The following SUCLG2 variants were observed in gnomAD, a reference collection of about 807,000 sequenced individuals.
SUCLG2 encodes the protein succinate-CoA ligase GDP-forming subunit beta.
A neutral mutation model predicts 47.9 loss-of-function variants in SUCLG2; 42 were observed. The observed-to-expected ratio is 0.88, with a 90% CI of 0.69 to 1.14. The LOEUF (loss-of-function observed/expected upper bound fraction) is 1.14. Among genes scored for constraint, SUCLG2 ranks in the 50% most tolerant of loss-of-function variants. SUCLG2 has a pLI of 0.00. For missense variants in SUCLG2, 571 were observed against 525.9 expected (o/e 1.09, Z -0.84); for synonymous variants, 195 against 197.3 (o/e 0.99, Z 0.10).
intron 7 of SUCLG2, among the ~76,000 whole-genome samples, chr3:67,505,015 T>C (rs1559550898): frequency 6.6e-6 from 1 of 152,230 alleles, no homozygotes; most frequent in Non-Finnish European, 1.5e-5. Flanking sequence ...ATCTTTCTGG[T>C]AGGCATGTTT....
intron 1 of SUCLG2, among the ~76,000 whole-genome samples, chr3:67,628,793 T>G (rs1018017434): frequency 6.6e-6 from 1 of 152,216 alleles, no homozygotes; most frequent in Admixed American, 6.5e-5. Context: ...GTGAGTCCAC[T>G]AAACCTCTTT....
At chr3:67,401,652 A>G (rs1250597729) in intron 9 of SUCLG2, among the ~76,000 whole-genome samples, 1 of 152,060 alleles carries the variant, frequency 6.6e-6, no homozygotes, top group Admixed American at 6.6e-5. Context: ...AATTAACATG[A>G]AGAACGAGAT....
At chr3:67,653,623 A>C (rs1466621057) in intron 1 of SUCLG2, among the ~76,000 whole-genome samples, 1 of 152,256 alleles carries the variant, frequency 6.6e-6, no homozygotes, top group Non-Finnish European at 1.5e-5. Flanking sequence ...CAAGGTCATT[A>C]ACTCTGCTGT....
intron 10 of SUCLG2, among the ~76,000 whole-genome samples, chr3:67,399,892 T>TC (rs1702644495): frequency 6.6e-6 from 1 of 152,040 alleles, no homozygotes; most frequent in Non-Finnish European, 1.5e-5. Flanking sequence ...CATTAAAAAC[T>TC]CCCCCTGGCT....
At chr3:67,585,396 C>G (rs1042058831) in intron 2 of SUCLG2, among the ~76,000 whole-genome samples, 3 of 152,210 alleles carry the variant, frequency 2.0e-5, no homozygotes, top group African/African-American at 7.2e-5. Flanking sequence ...ACACTCAGTG[C>G]TCCTCTCTGC....
chr3:67,608,533 G>A (rs1700466038), intron 2 of SUCLG2, among the ~76,000 whole-genome samples: 2 of 151,926 alleles, frequency 1.3e-5, no homozygotes, highest in South Asian at 4.2e-4. Context: ...ACACATTATT[G>A]AACGATGCTC....
intron 2 of SUCLG2, among the ~76,000 whole-genome samples, chr3:67,604,289 T>A (rs181300704): frequency 6.6e-6 from 1 of 152,330 alleles, no homozygotes; most frequent in Non-Finnish European, 1.5e-5. Flanking sequence ...AGATTGCAGT[T>A]TCTATATATT....
At chr3:67,581,810 C>T (rs1277347120) in intron 2 of SUCLG2, among the ~76,000 whole-genome samples, 14 of 152,084 alleles carry the variant, frequency 9.2e-5, no homozygotes, top group Non-Finnish European at 1.9e-4. Flanking sequence ...TAGAAAGACC[C>T]GGTGGTATTT....
At chr3:67,511,119 C>T (rs574840819) in intron 6 of SUCLG2, among the ~76,000 whole-genome samples, 1 of 146,432 alleles carries the variant, frequency 6.8e-6, no homozygotes, top group Non-Finnish European at 1.5e-5. Flanking sequence ...AATCTCCTGA[C>T]CTCGTAATCT....
At chr3:67,380,703 G>A (rs927097723) in intron 10 of SUCLG2, among the ~76,000 whole-genome samples, 2 of 63,490 alleles carry the variant, frequency 3.2e-5, no homozygotes, top group Non-Finnish European at 7.5e-5. Context: ...GAGAGAGAGG[G>A]AGATAGAGAG....
At chr3:67,405,261 C>T (rs142822301) in intron 9 of SUCLG2, among the ~76,000 whole-genome samples, 23 of 152,262 alleles carry the variant, frequency 1.5e-4, no homozygotes, top group Non-Finnish European at 2.8e-4. Context: ...TTTCAAATGT[C>T]TGGGTGTTTT....
rs546058560 is a variant in SUCLG2, at chr3:67,567,129, C to T, written c.227-37943G>A. ...AGCCTGGGAGGCAGAAGTTGTAGTG[C>T]GCCAAGATCGCGCCACTGCACTCAA... On this transcript the variant is annotated intron_variant, in intron 2 of 10. Transcript: ENST00000307227. Among the ~76,000 whole-genome samples the T allele has an allele frequency of 8.6e-5, 13 of 151,654 alleles. No individual in the cohort carries two copies. The South Asian group carries it at 2.3e-3, about 27-fold the overall frequency.
At chr3:67,603,701 T>C (rs909451596) in intron 2 of SUCLG2, among the ~76,000 whole-genome samples, 3 of 152,192 alleles carry the variant, frequency 2.0e-5, no homozygotes, top group African/African-American at 7.2e-5. Context: ...ATTAATAAAT[T>C]GTAGAGATTC....
At chr3:67,469,041 G>A (rs893886466) in intron 9 of SUCLG2, among the ~76,000 whole-genome samples, 19 of 152,298 alleles carry the variant, frequency 1.2e-4, no homozygotes, top group African/African-American at 4.6e-4. Flanking sequence ...AGAAGGGAAA[G>A]TCTGGAGCAG....
intron 5 of SUCLG2, among the ~76,000 whole-genome samples, chr3:67,519,720 C>A (rs1706044160): frequency 6.6e-6 from 1 of 152,042 alleles, no homozygotes; most frequent in African/African-American, 2.4e-5. Flanking sequence ...GTAATTTTGA[C>A]CCCAAGAACC....
intron 1 of SUCLG2, among the ~76,000 whole-genome samples, chr3:67,654,210 A>T (rs893676139): frequency 6.6e-6 from 1 of 152,258 alleles, no homozygotes; most frequent in African/African-American, 2.4e-5. Context: ...ACTTGCGTCC[A>T]GCGCCTGCTT....
chr3:67,580,575 C>T (rs563849233), intron 2 of SUCLG2, among the ~76,000 whole-genome samples: 93 of 152,286 alleles, frequency 6.1e-4, no homozygotes, highest in African/African-American at 2.1e-3. Context: ...TGTATGGAAG[C>T]TGGCCAAAGC....
chr3:67,436,417 G>A (rs1475660717), intron 9 of SUCLG2, among the ~76,000 whole-genome samples: 1 of 152,194 alleles, frequency 6.6e-6, no homozygotes, highest in Non-Finnish European at 1.5e-5. Flanking sequence ...TAATAGACTG[G>A]AGGAGGGAGG....
intron 10 of SUCLG2, among the ~76,000 whole-genome samples, chr3:67,394,695 A>G (rs1409611274): frequency 3.3e-5 from 5 of 151,290 alleles, no homozygotes; most frequent in Admixed American, 3.3e-4. Flanking sequence ...CTCCTCGAGA[A>G]GAGCAACTCC....
Sources: gnomAD v4.1 joint callset for allele counts (sites outside exome capture counted in the v4.1 genomes callset) on GRCh38, gnomAD v4.1.1 for gene constraint, MANE v1.5 for transcripts, NCBI Gene and HGNC (gene_info 2026-07-23, HGNC 2026-07-21) for gene names.